Variants in CDH9 observed in about 807,000 individuals in gnomAD.
CDH9 encodes the protein cadherin 9.
CDH9 carries 28 observed loss-of-function variants against 70.9 expected under a neutral mutation model. The ratio of observed to expected loss-of-function variants is 0.40; its 90% CI spans 0.29 to 0.54. The LOEUF is 0.54. CDH9 is among the 20% of genes least tolerant of loss of function. The probability of loss-of-function intolerance (pLI) is 0.59; values close to 1 mark genes in which losing one functional copy is unlikely to be tolerated. For synonymous variants in CDH9, 409 were observed against 343.1 expected, an observed-to-expected ratio of 1.19 and a Z score of -2.12; for missense variants, 874 against 984.4, an observed-to-expected ratio of 0.89 and a Z score of 1.50.
At chr5:27,015,944 A>G (rs1005691917) in intron 1 of CDH9, among the ~76,000 whole-genome samples, 1 of 151,816 alleles carries the variant, frequency 6.6e-6, no homozygotes, top group African/African-American at 2.4e-5. Flanking sequence ...ATCATCAGTC[A>G]TCATCAGAAC....
intron 1 of CDH9, among the ~76,000 whole-genome samples, chr5:27,035,577 C>A (rs566996325): frequency 6.6e-6 from 1 of 151,412 alleles, no homozygotes; most frequent in South Asian, 2.1e-4. Flanking sequence ...TTTAAGCAGA[C>A]GATTTACAAG....
In CDH9 at chr5:26,915,613, G is replaced by A. The variant is rs1299966116; in HGVS notation, c.523+17C>T. Reference sequence around the variant, plus strand: ...AAACAAATAAAAAGTAGTTTACATGGATTAGAATATACCTACCGACTCCAG... The same window carrying A: ...AAACAAATAAAAAGTAGTTTACATGAATTAGAATATACCTACCGACTCCAG... On this transcript the variant is annotated intron_variant, in intron 3 of 11. Coordinates refer to ENST00000231021, the MANE Select transcript of CDH9 (RefSeq NM_016279.4). 1.4e-6 allele frequency: 2 copies of A among 1,454,626 alleles called. No homozygotes were observed. The allele number at this position is 1,454,626 out of a possible 1,614,324, so 90.1% of individuals were successfully genotyped here. A position where few individuals can be genotyped will look rare whatever the true frequency, so the allele number is the denominator to read the frequency against.
At chr5:26,897,646 C>T (rs1209354252) in intron 7 of CDH9, among the ~76,000 whole-genome samples, 1 of 152,042 alleles carries the variant, frequency 6.6e-6, no homozygotes, top group East Asian at 1.9e-4. Context: ...TTTCAATAAA[C>T]TAGGTATGGA....
chr5:26,910,394 C>T (rs1741031355), intron 3 of CDH9, among the ~76,000 whole-genome samples: 1 of 152,122 alleles, frequency 6.6e-6, no homozygotes, highest in African/African-American at 2.4e-5. Flanking sequence ...GAAATACTGC[C>T]TTTATTCTTC....
At chr5:26,920,432 G>T (rs902242082) in intron 2 of CDH9, among the ~76,000 whole-genome samples, 9 of 152,012 alleles carry the variant, frequency 5.9e-5, no homozygotes, top group African/African-American at 2.2e-4. Flanking sequence ...CCTAGGACCA[G>T]GGGAAACTCA....
chr5:26,958,148 T>G (rs1259553600), intron 2 of CDH9, among the ~76,000 whole-genome samples: 1 of 152,128 alleles, frequency 6.6e-6, no homozygotes, highest in Non-Finnish European at 1.5e-5. Context: ...TGGAAGAGTC[T>G]TTATTTTGCT....
At chr5:26,920,135 A>G (rs1741219052) in intron 2 of CDH9, among the ~76,000 whole-genome samples, 1 of 152,040 alleles carries the variant, frequency 6.6e-6, no homozygotes, top group Admixed American at 6.5e-5. Flanking sequence ...GCCTGGGGAC[A>G]GAAGGAAGCC....
Position 26,881,082 on chromosome 5 carries a change from A to T in CDH9, c.*54T>A, listed in dbSNP as rs552227991. 4 of 1,480,066 alleles carry T rather than the reference A, an allele frequency of 2.7e-6. No individual in the cohort carries two copies. Among genetic ancestry groups the T allele is most frequent in the Non-Finnish European group, 3.6e-6 (4 of 1,098,800 alleles). 91.7% of individuals were successfully genotyped at this position (1,480,066 alleles called of 1,614,324 possible). A position where few individuals can be genotyped will look rare whatever the true frequency, so the allele number is the denominator to read the frequency against. On this transcript the variant is annotated 3_prime_UTR_variant, in exon 12 of 12. Coordinates refer to ENST00000231021, the MANE Select transcript of CDH9 (RefSeq NM_016279.4). ...CCAGGAAGAGAATGCAGGCCACTCA[A>T]TCTAATAACATAGACAGTACTTCCA...
intron 3 of CDH9, among the ~76,000 whole-genome samples, chr5:26,909,262 C>T (rs1281327472): frequency 1.3e-5 from 2 of 151,996 alleles, no homozygotes; most frequent in Non-Finnish European, 2.9e-5. Context: ...GGATTACAGG[C>T]GTGAGCCACC....
At chr5:26,918,949 C>T (rs1243440738) in intron 2 of CDH9, among the ~76,000 whole-genome samples, 1 of 152,026 alleles carries the variant, frequency 6.6e-6, no homozygotes, top group African/African-American at 2.4e-5. Flanking sequence ...CTGGAGAATC[C>T]AGGCTAATAA....
chr5:26,983,517 A>G (rs115849324), intron 2 of CDH9, among the ~76,000 whole-genome samples: 1 of 152,342 alleles, frequency 6.6e-6, no homozygotes, highest in African/African-American at 2.4e-5. Flanking sequence ...CTATATGCTA[A>G]CAGTGAGTTT....
chr5:27,025,050 A>G (rs1387691080), intron 1 of CDH9, among the ~76,000 whole-genome samples: 1 of 152,130 alleles, frequency 6.6e-6, no homozygotes, highest in Non-Finnish European at 1.5e-5. Flanking sequence ...GAAAATATCT[A>G]TTAATTTTTT....
At chr5:26,918,828 C>T (rs1005877815) in intron 2 of CDH9, among the ~76,000 whole-genome samples, 1 of 152,168 alleles carries the variant, frequency 6.6e-6, no homozygotes, top group African/African-American at 2.4e-5. Context: ...GAAACTATAC[C>T]ATGGTTCTCC....
intron 2 of CDH9, among the ~76,000 whole-genome samples, chr5:26,933,249 T>C (rs1741495565): frequency 1.3e-5 from 2 of 151,032 alleles, no homozygotes; most frequent in South Asian, 4.1e-4. Flanking sequence ...CTTGGGAGAC[T>C]ACAAAAGATG....
intron 3 of CDH9, among the ~76,000 whole-genome samples, chr5:26,911,952 G>C (rs1228616596): frequency 6.6e-6 from 1 of 152,000 alleles, no homozygotes; most frequent in Admixed American, 6.6e-5. Context: ...GAGTTGGTAA[G>C]AGAGAAGAAG....
intron 2 of CDH9, among the ~76,000 whole-genome samples, chr5:26,919,796 G>A (rs1329508984): frequency 1.3e-5 from 2 of 152,120 alleles, no homozygotes; most frequent in African/African-American, 2.4e-5. Context: ...GGCCAGAAGG[G>A]AACCTACTAT....
chr5:27,026,327 G>A (rs1354792634), intron 1 of CDH9, among the ~76,000 whole-genome samples: 1 of 151,842 alleles, frequency 6.6e-6, no homozygotes, highest in East Asian at 1.9e-4. Context: ...ATTCTAACAT[G>A]AGTAAATTTC....
intron 1 of CDH9, among the ~76,000 whole-genome samples, chr5:26,995,828 A>G (rs1742655511): frequency 6.6e-6 from 1 of 152,086 alleles, no homozygotes; most frequent in Non-Finnish European, 1.5e-5. Flanking sequence ...ATACTATCAG[A>G]TGTACTATAA....
chr5:26,923,069 T>TAAAA (rs56883597), intron 2 of CDH9, among the ~76,000 whole-genome samples: 16 of 95,050 alleles, frequency 1.7e-4, no homozygotes, highest in Admixed American at 3.4e-4. Flanking sequence ...TTACATGAAT[T>TAAAA]AAAAAAAAAA....
Sources: gnomAD v4.1 joint callset for allele counts (sites outside exome capture counted in the v4.1 genomes callset) on GRCh38, gnomAD v4.1.1 for gene constraint, MANE v1.5 for transcripts, NCBI Gene and HGNC (gene_info 2026-07-23, HGNC 2026-07-21) for gene names.